The following DNAH8 variants were observed in gnomAD, a reference collection of about 807,000 sequenced individuals.
The protein encoded by DNAH8 is axonemal beta dynein heavy chain 8.
Under a neutral mutation model 562.1 loss-of-function variants are expected in DNAH8, and 382 were observed. That is an observed-to-expected ratio of 0.68 (90% CI 0.63 to 0.74). The LOEUF is 0.74. Among genes scored for constraint, DNAH8 ranks in the 30% least tolerant of loss-of-function variants. The probability of loss-of-function intolerance (pLI) is 0.00; values close to 1 mark genes in which losing one functional copy is unlikely to be tolerated. For missense variants in DNAH8, 5,203 were observed against 5,620.4 expected (o/e 0.93, Z 2.37); for synonymous variants, 1,881 against 1,919.4 (o/e 0.98, Z 0.52).
chr6:38,909,578 ATGGAC>A lies in DNAH8; in HGVS notation c.9578_9582del (p.Asp3193ValfsTer21). 1.2e-6 allele frequency: 2 copies of A among 1,614,116 alleles called. No homozygotes were observed. The highest frequency in any genetic ancestry group is 1.7e-6 in the Non-Finnish European group (2 of 1,179,988). On this transcript the variant is annotated frameshift_variant, in exon 65 of 93. Coordinates refer to ENST00000327475, the MANE Select transcript of DNAH8 (RefSeq NM_001206927.2). LOFTEE classifies it high-confidence loss of function. Reference sequence around the variant, plus strand: ...TCCTGGCTTGATATCAGGTTGCACTATGGACTGGTTCAGCCGCTGGCCAAGGGAGG... The same window carrying A: ...TCCTGGCTTGATATCAGGTTGCACTATGGTTCAGCCGCTGGCCAAGGGAGG...
chr6:38,864,855 G>A (rs1776922833), intron 45 of DNAH8, among the ~76,000 whole-genome samples: 1 of 152,058 alleles, frequency 6.6e-6, no homozygotes, highest in Admixed American at 6.6e-5. Flanking sequence ...AAACTTCCTA[G>A]GTCACCCAGC....
intron 52 of DNAH8, among the ~76,000 whole-genome samples, chr6:38,874,068 T>TTCTTTCTTTCTTTCTTTTTCTTTCTTTC (rs377254876): frequency 3.5e-5 from 2 of 57,062 alleles, no homozygotes; most frequent in African/African-American, 1.3e-4. Context: ...CTTTCTTTCT[T>TTCTTTCTTTCTTTCTTTTTCTTTCTTTC]TTTCTTTCTT....
chr6:38,796,657 G>A (rs1003640199), intron 21 of DNAH8, among the ~76,000 whole-genome samples: 1 of 152,194 alleles, frequency 6.6e-6, no homozygotes, highest in East Asian at 1.9e-4. Flanking sequence ...GTTCTGTTTC[G>A]TTCTGATTAC....
At chr6:38,787,554 G>A (rs1428690697) in intron 18 of DNAH8, among the ~76,000 whole-genome samples, 8 of 151,898 alleles carry the variant, frequency 5.3e-5, no homozygotes, top group Non-Finnish European at 7.4e-5. Context: ...GACGAAACTG[G>A]GTGTGGTGGT....
chr6:38,802,833 T>C (rs570597107), intron 21 of DNAH8, among the ~76,000 whole-genome samples: 14 of 152,370 alleles, frequency 9.2e-5, no homozygotes, highest in African/African-American at 3.1e-4. Context: ...TTGTCTTCTT[T>C]TGAAACCACA....
At chr6:38,781,707 C>G (rs1768631041) in intron 16 of DNAH8, among the ~76,000 whole-genome samples, 1 of 152,160 alleles carries the variant, frequency 6.6e-6, no homozygotes. Flanking sequence ...CAGAAGCTTA[C>G]TTCTGTGTAT....
At chr6:38,861,855 A>C (rs952303902) in intron 43 of DNAH8, among the ~76,000 whole-genome samples, 1 of 151,396 alleles carries the variant, frequency 6.6e-6, no homozygotes, top group Non-Finnish European at 1.5e-5. Context: ...GTCTATGTGC[A>C]TTTTGCCCCG....
chr6:38,936,945 A>G (rs1783022089), intron 77 of DNAH8, among the ~76,000 whole-genome samples: 1 of 152,174 alleles, frequency 6.6e-6, no homozygotes, highest in Admixed American at 6.5e-5. Flanking sequence ...AGTACATCCA[A>G]GGTGTCTTTC....
At chr6:38,805,423 A>G in intron 22 of DNAH8, 58 bp from the exon 23 acceptor site, 1 of 1,061,012 alleles carries the variant, frequency 9.4e-7, no homozygotes, top group South Asian at 1.3e-5. Flanking sequence ...GGCCATGTAG[A>G]ATACAGACAA....
At chr6:38,722,653 C>T (rs190148169) in intron 1 of DNAH8, 123 bp from the exon 2 acceptor site, 3 of 786,548 alleles carry the variant, frequency 3.8e-6, no homozygotes, top group African/African-American at 1.8e-5. Context: ...ACTAAGCTTC[C>T]TTAGATAATA....
At chr6:38,732,965 T>G (rs1167602997) in intron 4 of DNAH8, among the ~76,000 whole-genome samples, 1 of 152,180 alleles carries the variant, frequency 6.6e-6, no homozygotes, top group African/African-American at 2.4e-5. Flanking sequence ...CATGGCTTAT[T>G]GCACTCTTGA....
Position 38,734,537 on chromosome 6 carries a change from A to G in DNAH8, c.674A>G (p.Asn225Ser), listed in dbSNP as rs548292757. The G allele has an allele frequency of 6.2e-6, 10 of 1,613,974 alleles. No homozygotes were observed. In the East Asian group the frequency reaches 1.1e-4, roughly 18 times the overall value. Reference protein sequence around the residue: ...GAKMMKLYIDNAAPDKLKGLC... With the variant: ...GAKMMKLYIDSAAPDKLKGLC... The stretch of plus-strand genomic sequence containing the variant: ...AAAATGATGAAATTGTATATAGACA[A>G]TGCAGCCCCGGATAAACTAAAAGGA... The change falls in exon 5 of 93, where the codon AAT becomes AGT. Residue 225 changes from asparagine to serine, a missense_variant. This residue lies in a region of DNAH8 where 556 missense variants were observed against 496.9 expected (regional missense o/e 1.12). Transcript: ENST00000327475.
Position 38,932,085 on chromosome 6 carries a change from AT to A in DNAH8, c.11457+95del, listed in dbSNP as rs1002839681. 45 of 983,758 alleles carry A rather than the reference AT, an allele frequency of 4.6e-5. 1 individual carries two copies. In the African/African-American group the frequency reaches 7.3e-4, roughly 16 times the overall value. 60.9% of individuals were successfully genotyped at this position (983,758 alleles called of 1,614,324 possible). A position where few individuals can be genotyped will look rare whatever the true frequency, so the allele number is the denominator to read the frequency against. On this transcript the variant is annotated intron_variant, in intron 76 of 92. Coordinates refer to ENST00000327475, the MANE Select transcript of DNAH8 (RefSeq NM_001206927.2). The stretch of plus-strand genomic sequence containing the variant: ...CTAAGTATGTGAAAAAGAAAAAAAA[AT>A]TTAAAAACCATATTTATCCTTGTTA...
chr6:38,922,674 C>T (rs940037992), intron 71 of DNAH8, among the ~76,000 whole-genome samples: 1 of 152,016 alleles, frequency 6.6e-6, no homozygotes, highest in African/African-American at 2.4e-5. Flanking sequence ...TGGGATTTTT[C>T]CAGGAGAAAA....
intron 1 of DNAH8, among the ~76,000 whole-genome samples, chr6:38,717,831 A>C (rs1762458702): frequency 6.6e-6 from 1 of 152,108 alleles, no homozygotes; most frequent in Non-Finnish European, 1.5e-5. Flanking sequence ...AATTCTGTAC[A>C]TGCAAATTAG....
chr6:38,977,592 CAT>C (rs1469034851), intron 85 of DNAH8, among the ~76,000 whole-genome samples: 1 of 152,146 alleles, frequency 6.6e-6, no homozygotes, highest in Non-Finnish European at 1.5e-5. Context: ...GGTGGTGTAG[CAT>C]CCAGTGTAGC....
intron 59 of DNAH8, among the ~76,000 whole-genome samples, chr6:38,895,348 A>C (rs1375002048): frequency 1.3e-5 from 2 of 151,890 alleles, no homozygotes; most frequent in African/African-American, 4.9e-5. Context: ...CACTGTCTTA[A>C]AAAAATGCTC....
chr6:39,007,872 T>A (rs1289217148), intron 88 of DNAH8, among the ~76,000 whole-genome samples: 1 of 151,800 alleles, frequency 6.6e-6, no homozygotes, highest in African/African-American at 2.4e-5. Flanking sequence ...TTACTAATCT[T>A]CTAGTGTAAA....
At chr6:38,833,746 T>C (rs1391918424) in intron 31 of DNAH8, among the ~76,000 whole-genome samples, 1 of 152,156 alleles carries the variant, frequency 6.6e-6, no homozygotes, top group East Asian at 1.9e-4. Flanking sequence ...CTGAACCAAG[T>C]CTAGTTGGGA....
Sources: gnomAD v4.1 joint callset for allele counts (sites outside exome capture counted in the v4.1 genomes callset) on GRCh38, gnomAD v4.1.1 for gene constraint, gnomAD v4.1.1 regional missense constraint, MANE v1.5 for transcripts, NCBI Gene and HGNC (gene_info 2026-07-23, HGNC 2026-07-21) for gene names.